The following WNT8B variants were observed in gnomAD, a reference collection of about 807,000 sequenced individuals.
WNT8B encodes the protein Wnt family member 8B, also known as protein Wnt-8b.
WNT8B carries 24 observed loss-of-function variants against 36.6 expected under a neutral mutation model. The observed-to-expected ratio is 0.66, with a 90% CI of 0.48 to 0.92. The LOEUF (loss-of-function observed/expected upper bound fraction) is 0.92. WNT8B is among the 40% of genes least tolerant of loss of function. The probability of loss-of-function intolerance (pLI) is 0.00; values close to 1 mark genes in which losing one functional copy is unlikely to be tolerated. For synonymous variants in WNT8B, 199 were observed against 189.8 expected, an observed-to-expected ratio of 1.05 and a Z score of -0.40; for missense variants, 402 against 470.8, an observed-to-expected ratio of 0.85 and a Z score of 1.35.
rs764994001 is a variant in WNT8B at position 100,482,780 on chromosome 10, G to C, written c.1020G>C (p.Arg340=). ...TCTGTAGCCGCGCAGAGCGGCCGCG[G>C]GGGGGCGCTGCGCACAAACCCGGGA... is the stretch of plus-strand genomic sequence containing the variant. ...KYFCSRAERP[R]GGAAHKPGRK... The change falls in exon 6 of 6, where the codon CGG becomes CGC. Residue 340 remains arginine, a synonymous_variant. Coordinates refer to ENST00000343737, the MANE Select transcript of WNT8B (RefSeq NM_003393.4). This position sits in a 1 kb window ranked among gnomAD's most constrained non-coding sequence, Gnocchi z 6.6. 2.0e-4 allele frequency: 314 copies of C among 1,587,426 alleles called. No individual in the cohort carries two copies. The highest frequency in any genetic ancestry group is 6.6e-4 in the East Asian group (29 of 44,166).
At position 100,477,940 on chromosome 10, in the gene WNT8B, C is replaced by CTGTTTTTTTTTT. The variant is rs1169521181; in HGVS notation, c.69-1111_69-1110insGTTTTTTTTTTT. ...TACAGGCGCATACCACCATGCCTAG[C>CTGTTTTTTTTTT]TATTTTTTTTTTTTTTTTTTAGTAG... On this transcript the variant is annotated intron_variant, in intron 1 of 5. Transcript: ENST00000343737. 3.1e-3 allele frequency among the ~76,000 whole-genome samples: 451 copies of CTGTTTTTTTTTT among 145,102 alleles called. 3 individuals are homozygous for CTGTTTTTTTTTT. Among genetic ancestry groups the CTGTTTTTTTTTT allele is most frequent in the African/African-American group, 0.011 (418 of 36,666 alleles).
chr10:100,473,146 G>C (rs1306280988), intron 1 of WNT8B, among the ~76,000 whole-genome samples: 2 of 152,166 alleles, frequency 1.3e-5, no homozygotes, highest in African/African-American at 4.8e-5. Context: ...CCATACTTAA[G>C]TATAAAAGAG....
chr10:100,478,735 C>T (rs761213488), intron 1 of WNT8B, among the ~76,000 whole-genome samples: 1 of 152,122 alleles, frequency 6.6e-6, no homozygotes, highest in Non-Finnish European at 1.5e-5. Flanking sequence ...GCGCCTGCCA[C>T]CATGCCCCGC....
chr10:100,465,777 C>G (rs948779699), intron 1 of WNT8B, among the ~76,000 whole-genome samples: 1 of 152,150 alleles, frequency 6.6e-6, no homozygotes, highest in Non-Finnish European at 1.5e-5. Flanking sequence ...AAAACATCAT[C>G]TTTTGGTCCT....
At chr10:100,476,398 A>G (rs1285540391) in intron 1 of WNT8B, among the ~76,000 whole-genome samples, 2 of 152,156 alleles carry the variant, frequency 1.3e-5, no homozygotes, top group East Asian at 3.9e-4. Flanking sequence ...TTCATCTCAT[A>G]TGGCAGCCTC....
At chr10:100,463,820 CA>C (rs1249419247) in intron 1 of WNT8B, among the ~76,000 whole-genome samples, 19 of 152,050 alleles carry the variant, frequency 1.2e-4, no homozygotes, top group Admixed American at 1.2e-3. Flanking sequence ...TTAATTTGTT[CA>C]ATTTACAAAT....
At position 100,482,841 on chromosome 10, in the gene WNT8B, C is replaced by A; in HGVS notation, c.*25C>A. ...AGGGTTTCCTCTGCCCCCTCCTTTT[C>A]CCACTGGTTCTTGGCTTCCTTTAGA... On this transcript the variant is annotated 3_prime_UTR_variant, in exon 6 of 6. Transcript: ENST00000343737. This position sits in a 1 kb window ranked among gnomAD's most constrained non-coding sequence, Gnocchi z 6.6. The A allele has an allele frequency of 6.8e-7, 1 of 1,467,668 alleles. No individual in the cohort carries two copies. Among genetic ancestry groups the A allele is most frequent in the Non-Finnish European group, 9.0e-7 (1 of 1,108,036 alleles). 90.9% of individuals were successfully genotyped at this position (1,467,668 alleles called of 1,614,324 possible).
At chr10:100,476,159 A>T (rs949053727) in intron 1 of WNT8B, among the ~76,000 whole-genome samples, 2 of 152,054 alleles carry the variant, frequency 1.3e-5, no homozygotes, top group African/African-American at 4.8e-5. Flanking sequence ...TCAAAAAAAA[A>T]TTAGCTGGGC....
At chr10:100,477,832 A>C (rs909919208) in intron 1 of WNT8B, among the ~76,000 whole-genome samples, 1 of 150,398 alleles carries the variant, frequency 6.6e-6, no homozygotes, top group African/African-American at 2.5e-5. Context: ...GCTGGAGTGC[A>C]GTGGTGCAAT....
intron 1 of WNT8B, among the ~76,000 whole-genome samples, chr10:100,475,382 AC>A (rs1303324521): frequency 6.6e-6 from 1 of 152,222 alleles, no homozygotes; most frequent in Non-Finnish European, 1.5e-5. Context: ...AACAAAAAAA[AC>A]AAAAACACAA....
intron 1 of WNT8B, among the ~76,000 whole-genome samples, chr10:100,468,485 C>G (rs1190843923): frequency 6.6e-6 from 1 of 152,208 alleles, no homozygotes; most frequent in Non-Finnish European, 1.5e-5. Context: ...CCCAGGCTTT[C>G]TGGGAATGGT....
At position 100,482,612 on chromosome 10, in the gene WNT8B, C is replaced by T; in HGVS notation, c.852C>T (p.Arg284=). The change falls in exon 6 of 6, where the codon CGC becomes CGT. Residue 284 remains arginine (R), a synonymous_variant. Coordinates refer to ENST00000343737, the MANE Select transcript of WNT8B (RefSeq NM_003393.4). The surrounding 1 kb of genome is among the most constrained non-coding windows in gnomAD (Gnocchi z 6.6). ...RRGRALGRWE[R]RSCRRLCGDC... ...GGCGGGCCCTGGGTCGCTGGGAACG[C>T]CGCAGCTGCCGCCGGCTCTGCGGGG... The T allele has an allele frequency of 6.3e-7, 1 of 1,599,388 alleles. No homozygotes were observed.
rs1224000550 is a variant in WNT8B, at chr10:100,482,064, G to A, written c.510+10G>A. On this transcript the variant is annotated intron_variant, in intron 5 of 5. Transcript: ENST00000343737. This position sits in a 1 kb window ranked among gnomAD's most constrained non-coding sequence, Gnocchi z 6.6. ...CGAGGCTGGCCGCAAGGTGAGTCCC[G>A]CAGCCCTTGGAAATAGGCAGCTGCT... 3 of 1,613,828 alleles carry A rather than the reference G, an allele frequency of 1.9e-6. No homozygotes were observed. The highest frequency in any genetic ancestry group is 2.5e-6 in the Non-Finnish European group (3 of 1,179,916).
Position 100,463,095 on chromosome 10 carries a change from G to T in WNT8B, c.-74G>T. On this transcript the variant is annotated 5_prime_UTR_variant, in exon 1 of 6. Transcript: ENST00000343737. ...AGAATTCCATCCCACTGGCACTGAG[G>T]AGAATATTTCTCCGTCTTGCTTACC... The T allele has an allele frequency of 1.4e-6, 2 of 1,391,808 alleles. No homozygotes were observed. The highest frequency in any genetic ancestry group is 1.7e-5 in the Admixed American group (1 of 58,352). 86.2% of individuals were successfully genotyped at this position (1,391,808 alleles called of 1,614,324 possible).
chr10:100,481,775 C>G (rs1190817619), intron 4 of WNT8B, 137 bp from the exon 5 acceptor site: 5 of 1,246,516 alleles, frequency 4.0e-6, no homozygotes, highest in Non-Finnish European at 4.3e-6. Flanking sequence ...GGCAACTGAT[C>G]TGGATACAGG....
At chr10:100,465,891 G>A (rs542086802) in intron 1 of WNT8B, among the ~76,000 whole-genome samples, 26 of 152,186 alleles carry the variant, frequency 1.7e-4, no homozygotes, top group Non-Finnish European at 3.1e-4. Flanking sequence ...TTGGAGGAAG[G>A]TCTTTGAATC....
chr10:100,483,536 A>G lies in WNT8B; in HGVS notation c.*720A>G, dbSNP rs531420887. On this transcript the variant is annotated 3_prime_UTR_variant, in exon 6 of 6. Coordinates refer to ENST00000343737, the MANE Select transcript of WNT8B (RefSeq NM_003393.4). ...CCTAGACAATAACCCGAGGGACTCCAGATACATACCCCGAAGGTCTAGGAA... is the reference window on the plus strand; with the variant it reads ...CCTAGACAATAACCCGAGGGACTCCGGATACATACCCCGAAGGTCTAGGAA... The G allele has an allele frequency of 2.6e-5, 4 of 152,360 alleles. No individual in the cohort carries two copies. Among genetic ancestry groups the G allele is most frequent in the African/African-American group, 9.6e-5 (4 of 41,578 alleles). The allele number at this position is 152,360 out of a possible 1,614,324, so 9.4% of individuals were successfully genotyped here. A position where few individuals can be genotyped will look rare whatever the true frequency, so the allele number is the denominator to read the frequency against.
At position 100,479,928 on chromosome 10, in the gene WNT8B, G is replaced by A; in HGVS notation, c.157G>A (p.Glu53Lys). The change falls in exon 3 of 6, where the codon GAA becomes AAA. Residue 53 changes from glutamate to lysine, a missense_variant. This residue lies in a region of WNT8B where 131 missense variants were observed against 152.6 expected (regional missense o/e 0.86). Coordinates refer to ENST00000343737, the MANE Select transcript of WNT8B (RefSeq NM_003393.4). ...AGCTGGTGCCCAGAGTGGTATTGAAGAATGCAAGTATCAGTTTGCCTGGGA... is the reference window on the plus strand; with the variant it reads ...AGCTGGTGCCCAGAGTGGTATTGAAAAATGCAAGTATCAGTTTGCCTGGGA... ...VAAGAQSGIE[E>K]CKYQFAWDRW... 1.2e-6 allele frequency: 2 copies of A among 1,614,030 alleles called. No individual in the cohort carries two copies. The highest frequency in any genetic ancestry group is 1.7e-6 in the Non-Finnish European group (2 of 1,179,934).
At chr10:100,469,358 G>C (rs1850948927) in intron 1 of WNT8B, among the ~76,000 whole-genome samples, 1 of 152,034 alleles carries the variant, frequency 6.6e-6, no homozygotes, top group African/African-American at 2.4e-5. Context: ...TACCAGCTTT[G>C]TTCCCTCTTG....
Sources: gnomAD v4.1 joint callset for allele counts (sites outside exome capture counted in the v4.1 genomes callset) on GRCh38, gnomAD v4.1.1 for gene constraint, gnomAD v4.1.1 regional missense constraint, Gnocchi (gnomAD v3.1) non-coding constraint, MANE v1.5 for transcripts, NCBI Gene and HGNC (gene_info 2026-07-23, HGNC 2026-07-21) for gene names.